Variants in FHIT observed in about 807,000 individuals in gnomAD.
FHIT encodes bis(5'-adenosyl)-triphosphatase.
In FHIT, 19 loss-of-function variants were observed where a neutral mutation model predicts 17.9. The observed-to-expected ratio is 1.06, with a 90% confidence interval of 0.74 to 1.56. The LOEUF (loss-of-function observed/expected upper bound fraction) is 1.56, where lower values mean the gene tolerates loss of function less well. FHIT is among the 40% of genes most tolerant of loss of function. The probability of loss-of-function intolerance (pLI) is 0.00; values close to 1 mark genes in which losing one functional copy is unlikely to be tolerated. For synonymous variants in FHIT, 81 were observed against 69.7 expected (o/e 1.16, Z -0.81); for missense variants, 248 against 189.2 (o/e 1.31, Z -1.82).
intron 5 of FHIT, among the ~76,000 whole-genome samples, chr3:60,174,743 A>G (rs1408851310): frequency 6.6e-6 from 1 of 152,104 alleles, no homozygotes; most frequent in Non-Finnish European, 1.5e-5. Context: ...ATATTGCACA[A>G]TTATGTCTAT....
chr3:60,748,942 G>A (rs2042413846), intron 4 of FHIT, among the ~76,000 whole-genome samples: 1 of 152,192 alleles, frequency 6.6e-6, no homozygotes, highest in African/African-American at 2.4e-5. Context: ...GTTCAGCACA[G>A]ATGCAATTTT....
At chr3:60,344,579 CA>C (rs1710684325) in intron 5 of FHIT, among the ~76,000 whole-genome samples, 2 of 152,094 alleles carry the variant, frequency 1.3e-5, no homozygotes, top group African/African-American at 4.8e-5. Context: ...CCATAAAAGG[CA>C]AACACTGGAG....
chr3:59,969,323 T>C (rs1708072294), intron 7 of FHIT, among the ~76,000 whole-genome samples: 3 of 152,132 alleles, frequency 2.0e-5, no homozygotes, highest in South Asian at 4.1e-4. Flanking sequence ...TTGTATGTGG[T>C]TGCAGTCTGT....
chr3:60,348,163 C>G (rs1710891947), intron 5 of FHIT, among the ~76,000 whole-genome samples: 2 of 151,996 alleles, frequency 1.3e-5, no homozygotes, highest in Admixed American at 1.3e-4. Flanking sequence ...TTGTAATTAT[C>G]TAACCACACC....
intron 4 of FHIT, among the ~76,000 whole-genome samples, chr3:60,677,172 C>T (rs1229948434): frequency 6.6e-6 from 1 of 152,180 alleles, no homozygotes; most frequent in Non-Finnish European, 1.5e-5. Flanking sequence ...CCACTGTGCC[C>T]AGCCAATTTT....
rs143881856 is a variant in FHIT at position 60,810,078 on chromosome 3, G to A, written c.-18+11841C>T. On this transcript the variant is annotated intron_variant, in intron 4 of 9. Coordinates refer to ENST00000492590, the MANE Select transcript of FHIT (RefSeq NM_002012.4). Reference sequence around the variant, plus strand: ...ATGCAAACACTGAAGCAGAGATTTCGCAAGACTAAAATCCATCTGGAGCTC... The same window carrying A: ...ATGCAAACACTGAAGCAGAGATTTCACAAGACTAAAATCCATCTGGAGCTC... Among the ~76,000 whole-genome samples, 89 of 152,264 alleles carry A rather than the reference G, an allele frequency of 5.8e-4. 1 individual carries two copies. The highest frequency in any genetic ancestry group is 3.4e-3 in the Middle Eastern group (1 of 294).
chr3:60,977,353 G>A (rs568278603), intron 3 of FHIT, among the ~76,000 whole-genome samples: 10 of 152,132 alleles, frequency 6.6e-5, no homozygotes, highest in Non-Finnish European at 1.3e-4. Context: ...GTCAATGGCG[G>A]TTTCCTCAAA....
intron 4 of FHIT, among the ~76,000 whole-genome samples, chr3:60,674,950 C>G (rs2040588713): frequency 6.6e-6 from 1 of 152,166 alleles, no homozygotes; most frequent in Non-Finnish European, 1.5e-5. Context: ...AATTCCAGCC[C>G]CTCAGCAGCA....
chr3:61,161,524 C>T lies in FHIT; in HGVS notation c.-164+39093G>A, dbSNP rs145931361. 3.7e-3 allele frequency among the ~76,000 whole-genome samples: 561 copies of T among 152,284 alleles called. 3 individuals are homozygous for T. Among genetic ancestry groups the T allele is most frequent in the African/African-American group, 0.012 (509 of 41,560 alleles). On this transcript the variant is annotated intron_variant, in intron 2 of 9. Coordinates refer to ENST00000492590, the MANE Select transcript of FHIT (RefSeq NM_002012.4). ...GCCACAAATTGCTATTTTTAAGAGACAGTTTTAATATCTTGTACTACATTT... is the reference window on the plus strand; with the variant it reads ...GCCACAAATTGCTATTTTTAAGAGATAGTTTTAATATCTTGTACTACATTT...
Position 60,674,530 on chromosome 3 carries a change from G to GA in FHIT, c.-17-137552dup, listed in dbSNP as rs565374174. ...TATATTGTCTTCCTTATAGGGTACTGAGTTTTTTTCTGGCAGGAAATTACA... is the reference window on the plus strand; with the variant it reads ...TATATTGTCTTCCTTATAGGGTACTGAAGTTTTTTTCTGGCAGGAAATTACA... On this transcript the variant is annotated intron_variant, in intron 4 of 9. Coordinates refer to ENST00000492590, the MANE Select transcript of FHIT (RefSeq NM_002012.4). Among the ~76,000 whole-genome samples, 27 of 152,266 alleles carry GA rather than the reference G, an allele frequency of 1.8e-4. No individual in the cohort carries two copies. The South Asian group carries it at 4.6e-3, about 26-fold the overall frequency.
At position 60,255,956 on chromosome 3, in the gene FHIT, T is replaced by C. The variant is rs767811194; in HGVS notation, c.104-241804A>G. 1.8e-4 allele frequency among the ~76,000 whole-genome samples: 27 copies of C among 152,264 alleles called. 1 individual carries two copies. The highest frequency in any genetic ancestry group is 2.0e-4 in the Admixed American group (3 of 15,296). On this transcript the variant is annotated intron_variant, in intron 5 of 9. Transcript: ENST00000492590. ...CTTGAGGGGGATCTCAGCCCCTAAG[T>C]GAAACACTTGAAATTAGTAAACTGG...
chr3:60,556,689 G>A (rs535196084), intron 4 of FHIT, among the ~76,000 whole-genome samples: 1 of 152,208 alleles, frequency 6.6e-6, no homozygotes, highest in Admixed American at 6.5e-5. Flanking sequence ...CAAAATGAGG[G>A]CCTGGGGTGG....
In FHIT at chr3:59,890,271, G is replaced by A. The variant is rs1703799567; in HGVS notation, c.348+32075C>T. On this transcript the variant is annotated intron_variant, in intron 8 of 9. Transcript: ENST00000492590. ...ACTCCATGGTGGGAATTAGATCTGC[G>A]TTCTTGGTGGTGTCCATAGCTGGTT... 3.9e-5 allele frequency among the ~76,000 whole-genome samples: 6 copies of A among 152,142 alleles called. No homozygotes were observed. In the South Asian group the frequency reaches 1.2e-3, roughly 32 times the overall value.
At chr3:60,963,393 C>T (rs1553781843) in intron 3 of FHIT, among the ~76,000 whole-genome samples, 2 of 152,194 alleles carry the variant, frequency 1.3e-5, no homozygotes, top group South Asian at 2.1e-4. Context: ...CCTGGATTCA[C>T]TGATTTTTTG....
At chr3:60,541,801 A>G (rs1215755397) in intron 4 of FHIT, among the ~76,000 whole-genome samples, 1 of 152,246 alleles carries the variant, frequency 6.6e-6, no homozygotes, top group Non-Finnish European at 1.5e-5. Flanking sequence ...GTCTGAGCAC[A>G]TGGATCTAAC....
rs149511627 is a variant in FHIT, at chr3:60,147,037, C to T, written c.104-132885G>A. ...GACACGCAATCCTTTATTTTCCTTT[C>T]ACTGAGGAAGAAAAATAAAGGAGCG... is the stretch of plus-strand genomic sequence containing the variant. On this transcript the variant is annotated intron_variant, in intron 5 of 9. Transcript: ENST00000492590. Among the ~76,000 whole-genome samples the T allele has an allele frequency of 1.4e-4, 21 of 152,250 alleles. No homozygotes were observed. In the East Asian group the frequency reaches 3.9e-3, roughly 28 times the overall value.
At chr3:60,629,560 T>A (rs1295819915) in intron 4 of FHIT, among the ~76,000 whole-genome samples, 1 of 152,184 alleles carries the variant, frequency 6.6e-6, no homozygotes, top group Non-Finnish European at 1.5e-5. Context: ...AAAGCCTAGT[T>A]TAGCATGATG....
rs74934584 is a variant in FHIT, at chr3:60,783,515, G to C, written c.-18+38404C>G. Among the ~76,000 whole-genome samples the C allele has an allele frequency of 9.7e-3, 1,470 of 152,260 alleles. 27 individuals carry two copies. Among genetic ancestry groups the C allele is most frequent in the African/African-American group, 0.033 (1,378 of 41,548 alleles). On this transcript the variant is annotated intron_variant, in intron 4 of 9. Coordinates refer to ENST00000492590, the MANE Select transcript of FHIT (RefSeq NM_002012.4). ...TTAAATAGTGATTGATGAGGCCCTG[G>C]TTTACTGTAACAGTGTACTTGTGAT...
intron 8 of FHIT, among the ~76,000 whole-genome samples, chr3:59,877,929 C>T (rs1302185291): frequency 2.0e-5 from 3 of 152,112 alleles, no homozygotes; most frequent in Admixed American, 6.5e-5. Context: ...CAGACCTGGA[C>T]AAAATGTTAA....
Sources: gnomAD v4.1 joint callset for allele counts (sites outside exome capture counted in the v4.1 genomes callset) on GRCh38, gnomAD v4.1.1 for gene constraint, MANE v1.5 for transcripts, NCBI Gene and HGNC (gene_info 2026-07-23, HGNC 2026-07-21) for gene names.